Variants in UST observed in about 807,000 individuals in gnomAD.
The protein encoded by UST is uronyl 2-sulfotransferase.
A neutral mutation model predicts 45.6 loss-of-function variants in UST; 21 were observed. The observed-to-expected ratio is 0.46, with a 90% CI of 0.33 to 0.66. The LOEUF is 0.66. UST is among the 30% of genes least tolerant of loss of function. The pLI, the probability that UST is intolerant of heterozygous loss-of-function variation, is 0.02. For synonymous variants in UST, 215 were observed against 200.6 expected (o/e 1.07, Z -0.61); for missense variants, 463 against 512.4 (o/e 0.90, Z 0.93).
chr6:148,765,322 A>G (rs1382666870), intron 1 of UST, among the ~76,000 whole-genome samples: 3 of 152,110 alleles, frequency 2.0e-5, no homozygotes, highest in African/African-American at 4.8e-5. Context: ...CTATTGCTCT[A>G]TATGTCTGTT....
chr6:148,787,209 T>A (rs766027469), intron 1 of UST, among the ~76,000 whole-genome samples: 3 of 152,246 alleles, frequency 2.0e-5, no homozygotes, highest in Non-Finnish European at 4.4e-5. Context: ...TTAGTTTAAT[T>A]AGATCCCATT....
intron 5 of UST, among the ~76,000 whole-genome samples, chr6:149,001,819 G>A (rs1781555094): frequency 6.6e-6 from 1 of 152,158 alleles, no homozygotes; most frequent in African/African-American, 2.4e-5. Context: ...AAAGTTGTTT[G>A]TATGTTAAAA....
At chr6:149,005,926 G>A (rs998427343) in intron 5 of UST, among the ~76,000 whole-genome samples, 10 of 152,232 alleles carry the variant, frequency 6.6e-5, no homozygotes, top group African/African-American at 2.2e-4. Flanking sequence ...TTTGAAGAGG[G>A]AGCAGTGCAG....
chr6:148,859,768 G>T (rs1369890538), intron 1 of UST, among the ~76,000 whole-genome samples: 3 of 152,076 alleles, frequency 2.0e-5, no homozygotes, highest in East Asian at 1.9e-4. Context: ...CCCCATTGCT[G>T]GTTTTTGTCA....
At chr6:148,841,530 T>C (rs1290006867) in intron 1 of UST, among the ~76,000 whole-genome samples, 5 of 152,094 alleles carry the variant, frequency 3.3e-5, no homozygotes, top group Non-Finnish European at 7.4e-5. Context: ...CAAAGCACTT[T>C]TCATTTTCTC....
chr6:149,050,619 A>G (rs1198561069), intron 7 of UST, among the ~76,000 whole-genome samples: 2 of 152,222 alleles, frequency 1.3e-5, no homozygotes, highest in African/African-American at 4.8e-5. Context: ...TTTAGGCTTG[A>G]TATTTTTCAA....
chr6:148,897,231 G>T (rs1478411183), intron 2 of UST, among the ~76,000 whole-genome samples: 1 of 151,860 alleles, frequency 6.6e-6, no homozygotes, highest in Non-Finnish European at 1.5e-5. Context: ...ATAGTGGTAT[G>T]ATCTCGGCTC....
In UST at chr6:149,005,687, G is replaced by A. The variant is rs989140392; in HGVS notation, c.682-13452G>A. ...TCCACTAAAATGCAAGTATTTCTTG[G>A]AAGCACATTGAGCTTGATAACTTAT... On this transcript the variant is annotated intron_variant, in intron 5 of 7. Transcript: ENST00000367463. 4 of 865,884 alleles carry A rather than the reference G, an allele frequency of 4.6e-6. No individual in the cohort carries two copies. The African/African-American group carries it at 7.3e-5, about 16-fold the overall frequency. 53.6% of individuals were successfully genotyped at this position (865,884 alleles called of 1,614,324 possible). A position where few individuals can be genotyped will look rare whatever the true frequency, so the allele number is the denominator to read the frequency against.
At chr6:148,823,743 T>C (rs749514133) in intron 1 of UST, among the ~76,000 whole-genome samples, 2 of 152,200 alleles carry the variant, frequency 1.3e-5, no homozygotes, top group Non-Finnish European at 2.9e-5. Context: ...TGCTCTCTGG[T>C]GGATTTTATC....
Position 148,990,936 on chromosome 6 carries a change from C to T in UST, c.681+26373C>T, listed in dbSNP as rs1322106994. Among the ~76,000 whole-genome samples the T allele has an allele frequency of 1.4e-4, 21 of 152,160 alleles. 1 individual carries two copies. The highest frequency in any genetic ancestry group is 1.4e-3 in the Admixed American group (21 of 15,272). On this transcript the variant is annotated intron_variant, in intron 5 of 7. Coordinates refer to ENST00000367463, the MANE Select transcript of UST (RefSeq NM_005715.3). ...TCAAGAAAATATTGGCTAAGCGTCTCCTGTGGGCTGGCACTCTCCTAAGCC... is the reference window on the plus strand; with the variant it reads ...TCAAGAAAATATTGGCTAAGCGTCTTCTGTGGGCTGGCACTCTCCTAAGCC...
At chr6:148,888,081 A>G (rs924363941) in intron 2 of UST, among the ~76,000 whole-genome samples, 3 of 152,192 alleles carry the variant, frequency 2.0e-5, no homozygotes, top group Admixed American at 6.5e-5. Flanking sequence ...CACAGGCTGT[A>G]TAGGAAGCAT....
At chr6:148,797,383 T>C (rs80355508) in intron 1 of UST, among the ~76,000 whole-genome samples, 2,502 of 152,376 alleles carry the variant, frequency 0.016, 23 homozygotes, top group Middle Eastern at 0.034. Context: ...CTGCTTTATA[T>C]ACTTTAGTTC....
chr6:148,988,841 A>C (rs942115592), intron 5 of UST, among the ~76,000 whole-genome samples: 1 of 152,062 alleles, frequency 6.6e-6, no homozygotes, highest in African/African-American at 2.4e-5. Context: ...ATGCAGTTCC[A>C]TCTCTCCTTC....
At chr6:149,073,734 A>T in intron 7 of UST, 99 bp from the exon 8 acceptor site, 2 of 1,400,658 alleles carry the variant, frequency 1.4e-6, no homozygotes, top group Non-Finnish European at 1.9e-6. Context: ...TTGCTTCCTT[A>T]GGTGCTACCA....
chr6:148,750,700 C>G (rs772682508), intron 1 of UST, among the ~76,000 whole-genome samples: 3 of 152,126 alleles, frequency 2.0e-5, no homozygotes, highest in Non-Finnish European at 4.4e-5. Context: ...TTTCTTGATA[C>G]TTGTACTCTG....
intron 1 of UST, among the ~76,000 whole-genome samples, chr6:148,850,364 A>G (rs1778080377): frequency 6.6e-6 from 1 of 152,176 alleles, no homozygotes; most frequent in Non-Finnish European, 1.5e-5. Context: ...TATGTAGGCC[A>G]TAGCCACCCT....
intron 1 of UST, among the ~76,000 whole-genome samples, chr6:148,761,913 A>G (rs1249686401): frequency 4.6e-5 from 7 of 152,250 alleles, no homozygotes; most frequent in African/African-American, 1.4e-4. Flanking sequence ...TAACAGCTGC[A>G]TGGGACACAA....
At chr6:148,750,339 T>C (rs1775966522) in intron 1 of UST, among the ~76,000 whole-genome samples, 1 of 152,200 alleles carries the variant, frequency 6.6e-6, no homozygotes, top group African/African-American at 2.4e-5. Flanking sequence ...AATATTCTCA[T>C]AGGAAAGCCA....
intron 2 of UST, among the ~76,000 whole-genome samples, chr6:148,937,242 T>G (rs2114918156): frequency 6.6e-6 from 1 of 152,318 alleles, no homozygotes; most frequent in East Asian, 1.9e-4. Context: ...GAAAACACAT[T>G]TCCTGCTTTT....
Sources: gnomAD v4.1 joint callset for allele counts (sites outside exome capture counted in the v4.1 genomes callset) on GRCh38, gnomAD v4.1.1 for gene constraint, MANE v1.5 for transcripts, NCBI Gene and HGNC (gene_info 2026-07-23, HGNC 2026-07-21) for gene names.